The following ALOX15 variants were observed in gnomAD, a reference collection of about 807,000 sequenced individuals.
ALOX15 encodes polyunsaturated fatty acid lipoxygenase ALOX15.
ALOX15 carries 68 observed loss-of-function variants against 71.7 expected under a neutral mutation model. The ratio of observed to expected loss-of-function variants is 0.95; its 90% CI spans 0.78 to 1.16. The LOEUF is 1.16. ALOX15 is among the 50% of genes most tolerant of loss of function. The pLI is 0.00. For missense variants in ALOX15, 798 were observed against 818.8 expected (o/e 0.97, Z 0.31); for synonymous variants, 346 against 333.3 (o/e 1.04, Z -0.42).
Position 4,639,253 on chromosome 17 carries a change from C to T in ALOX15, c.338-121G>A, listed in dbSNP as rs11568100. Reference sequence around the variant, plus strand: ...CCTCTGCCCCTTCAGCATCACGCCCCTCCCCCAGGCTCCAGCCACTTTGTG... The same window carrying T: ...CCTCTGCCCCTTCAGCATCACGCCCTTCCCCCAGGCTCCAGCCACTTTGTG... On this transcript the variant is annotated intron_variant, in intron 2 of 13. Transcript: ENST00000293761. 9.4e-3 allele frequency: 13,147 copies of T among 1,403,936 alleles called. 592 individuals carry two copies. The East Asian group carries it at 0.12, about 13-fold the overall frequency. The allele number at this position is 1,403,936 out of a possible 1,614,324, so 87.0% of individuals were successfully genotyped here.
chr17:4,636,789 CCT>C (rs1230272778), intron 7 of ALOX15, among the ~76,000 whole-genome samples: 2 of 152,020 alleles, frequency 1.3e-5, no homozygotes, highest in Non-Finnish European at 2.9e-5. Flanking sequence ...CTGTCTTGCC[CCT>C]GAGGACCGGT....
chr17:4,635,922 G>A lies in ALOX15; in HGVS notation c.998C>T (p.Pro333Leu), dbSNP rs1279307753. Residue 333 changes from proline to leucine, a missense_variant, in exon 8 of 14, where the codon CCT becomes CTT. Transcript: ENST00000293761. ...AAGCCAGGCCATTGGGGGATCCGTA[G>A]GCAAGAAAAGGGGAGGTGGTGGGGA... ...TGSPPPPLFL[P>L]TDPPMAWLLA... The A allele has an allele frequency of 1.2e-6, 2 of 1,614,196 alleles. No homozygotes were observed. The highest frequency in any genetic ancestry group is 2.2e-5 in the South Asian group (2 of 91,092).
At chr17:4,639,275 T>C (rs1244039555) in intron 2 of ALOX15, 143 bp from the exon 3 acceptor site, 2 of 1,380,856 alleles carry the variant, frequency 1.4e-6, no homozygotes, top group African/African-American at 2.9e-5. Flanking sequence ...CCAGCCACTT[T>C]GTGCCAGCTG....
intron 8 of ALOX15, among the ~76,000 whole-genome samples, chr17:4,635,193 G>T (rs552775260): frequency 1.3e-5 from 2 of 151,954 alleles, no homozygotes; most frequent in Admixed American, 1.3e-4. Context: ...CACTTTGGGA[G>T]ACCTAGACAA....
rs1197364758 is a variant in ALOX15 at position 4,641,599 on chromosome 17, G to A, written c.53C>T (p.Ser18Phe). ...VSTGASLYAG[S>F]NNQVQLWLVG... is the part of the protein sequence containing the mutation. ...CAGCCACAGCTGCACCTGGTTGTTG[G>A]AACCGGCATAGAGCGAGGCCCCAGT... Residue 18 changes from serine (S) to phenylalanine (F), a missense_variant, in exon 1 of 14, where the codon TCC becomes TTC. This residue lies in a region of ALOX15 where 300 missense variants were observed against 283.1 expected (regional missense o/e 1.06). Coordinates refer to ENST00000293761, the MANE Select transcript of ALOX15 (RefSeq NM_001140.5). The A allele has an allele frequency of 6.2e-7, 1 of 1,613,920 alleles. No individual in the cohort carries two copies. Among genetic ancestry groups the A allele is most frequent in the East Asian group, 2.2e-5 (1 of 44,890 alleles).
chr17:4,639,627 G>A lies in ALOX15; in HGVS notation c.140C>T (p.Thr47Ile). The A allele has an allele frequency of 6.2e-7, 1 of 1,610,420 alleles. No individual in the cohort carries two copies. The highest frequency in any genetic ancestry group is 8.5e-7 in the Non-Finnish European group (1 of 1,178,400). ...CTCCGGTACTTCCACCTTGAGTTCT[G>A]TCTCCTGCGGGCGACAGAAGAGGCT... ...KRLWPARGKE[T>I]ELKVEVPEYL... The change falls in exon 2 of 14, where the codon ACA becomes ATA. Residue 47 changes from threonine to isoleucine, a missense_variant. Around this residue, in one of 3 missense-constraint regions of ALOX15, gnomAD observed 300 missense variants for 283.1 expected, o/e 1.06. Transcript: ENST00000293761.
chr17:4,636,015 C>T, intron 7 of ALOX15, 47 bp from the exon 8 acceptor site: 2 of 1,581,816 alleles, frequency 1.3e-6, no homozygotes, highest in South Asian at 1.1e-5. Context: ...GTGCCAGGCA[C>T]TCAGCGATTC....
At chr17:4,636,561 G>A (rs1174553899) in intron 7 of ALOX15, among the ~76,000 whole-genome samples, 4 of 151,966 alleles carry the variant, frequency 2.6e-5, no homozygotes, top group Non-Finnish European at 5.9e-5. Context: ...CCTCCTCCTG[G>A]GGTCAGTGCT....
Position 4,631,547 on chromosome 17 carries a change from G to T in ALOX15, c.*53C>A. On this transcript the variant is annotated 3_prime_UTR_variant, in exon 14 of 14. Coordinates refer to ENST00000293761, the MANE Select transcript of ALOX15 (RefSeq NM_001140.5). Reference sequence around the variant, plus strand: ...AGGGCAGGGCTATAACCACGAAGGGGTCAGCTTGTGGCTTGGGTGATGGGG... The same window carrying T: ...AGGGCAGGGCTATAACCACGAAGGGTTCAGCTTGTGGCTTGGGTGATGGGG... 1.9e-6 allele frequency: 3 copies of T among 1,600,146 alleles called. No homozygotes were observed. Among genetic ancestry groups the T allele is most frequent in the Non-Finnish European group, 2.6e-6 (3 of 1,174,500 alleles).
intron 7 of ALOX15, 72 bp from the exon 8 acceptor site, chr17:4,636,040 T>A: frequency 2.0e-6 from 3 of 1,493,570 alleles, no homozygotes; most frequent in South Asian, 2.3e-5. Context: ...CCCCCTTGCA[T>A]GTTAACCTCA....
chr17:4,641,276 A>G (rs1421300259), intron 1 of ALOX15, among the ~76,000 whole-genome samples: 2 of 152,006 alleles, frequency 1.3e-5, no homozygotes, highest in Non-Finnish European at 2.9e-5. Context: ...AGGGGCGCAC[A>G]GGAGCATGCC....
Position 4,638,565 on chromosome 17 carries a change from G to A in ALOX15, c.646+16C>T. The A allele has an allele frequency of 6.2e-7, 1 of 1,611,708 alleles. No individual in the cohort carries two copies. The highest frequency in any genetic ancestry group is 8.5e-7 in the Non-Finnish European group (1 of 1,178,070). The stretch of plus-strand genomic sequence containing the variant: ...GATCTGGGGGGTTGGGAGACATACT[G>A]GGGTGGGGGACTGACCAGCCAGCTT... On this transcript the variant is annotated intron_variant, in intron 5 of 13. Transcript: ENST00000293761.
chr17:4,631,965 G>A lies in ALOX15; in HGVS notation c.1733C>T (p.Ala578Val), dbSNP rs149366613. The A allele has an allele frequency of 4.0e-5, 65 of 1,613,968 alleles. No homozygotes were observed. Among genetic ancestry groups the A allele is most frequent in the African/African-American group, 1.6e-4 (12 of 74,924 alleles). Residue 578 changes from alanine (A) to valine (V), a missense_variant, in exon 13 of 14, where the codon GCG (alanine) becomes GTG (valine). Transcript: ENST00000293761. Reference protein sequence around the residue: ...TKDATLETVMATLPNFHQASL... With the variant: ...TKDATLETVMVTLPNFHQASL... ...AGCCTGGTGGAAGTTGGGCAGTGTCGCCATCACTGTCTCCAGCGTTGCATC... is the reference window on the plus strand; with the variant it reads ...AGCCTGGTGGAAGTTGGGCAGTGTCACCATCACTGTCTCCAGCGTTGCATC...
intron 11 of ALOX15, 42 bp from the exon 12 acceptor site, chr17:4,632,323 T>C (rs1910940417): frequency 5.8e-6 from 9 of 1,538,566 alleles, no homozygotes; most frequent in Non-Finnish European, 8.1e-6. Context: ...AAGGCAGGAG[T>C]AGGGCAGCGC....
At chr17:4,636,055 T>C in intron 7 of ALOX15, 87 bp from the exon 8 acceptor site, 3 of 1,401,020 alleles carry the variant, frequency 2.1e-6, no homozygotes, top group Non-Finnish European at 3.0e-6. Context: ...ACCTCACCCT[T>C]CGTCCTCCAA....
intron 1 of ALOX15, 124 bp downstream of exon 1, chr17:4,641,393 C>G: frequency 7.1e-7 from 1 of 1,417,514 alleles, no homozygotes; most frequent in South Asian, 1.4e-5. Flanking sequence ...CGCTTTGAGC[C>G]CAATGCGCGG....
chr17:4,631,459 CAGAGACCATGA>C lies in ALOX15; in HGVS notation c.*130_*140del. 8.1e-6 allele frequency: 8 copies of C among 989,242 alleles called. No individual in the cohort carries two copies. In the South Asian group the frequency reaches 1.3e-4, roughly 16 times the overall value. 61.3% of individuals were successfully genotyped at this position (989,242 alleles called of 1,614,324 possible). On this transcript the variant is annotated 3_prime_UTR_variant, in exon 14 of 14. Transcript: ENST00000293761. The stretch of plus-strand genomic sequence containing the variant: ...TAGAGTAAAATGTGTTCACTGGGTG[CAGAGACCATGA>C]AAAGGTGCCCCTCTAGGGAGGGTGG...
rs773171432 is a variant in ALOX15, at chr17:4,639,053, G to A, written c.417C>T (p.Tyr139=). Residue 139 remains tyrosine, a splice_region_variant and synonymous_variant, in exon 3 of 14, where the codon TAC becomes TAT. Coordinates refer to ENST00000293761, the MANE Select transcript of ALOX15 (RefSeq NM_001140.5). The part of the protein sequence containing the change: ...EEELEERRKL[Y]RWGNWKDGLI... ...GGGGTCAGGGGAGGAGGGCTCACCG[G>A]TACAACTTCCTTCTCTCTTCCAGCT... is the stretch of plus-strand genomic sequence containing the variant. The A allele has an allele frequency of 1.2e-5, 19 of 1,614,076 alleles. No homozygotes were observed. The East Asian group carries it at 3.8e-4, about 32-fold the overall frequency.
intron 8 of ALOX15, among the ~76,000 whole-genome samples, chr17:4,634,520 T>C (rs1911023992): frequency 6.6e-6 from 1 of 152,012 alleles, no homozygotes; most frequent in African/African-American, 2.4e-5. Context: ...TCTCAACTTT[T>C]TTTTTTTTAA....
Sources: allele counts gnomAD v4.1 joint callset (sites outside exome capture counted in the v4.1 genomes callset), GRCh38; gene constraint gnomAD v4.1.1; regional missense constraint gnomAD v4.1.1; transcripts MANE v1.5; gene names NCBI Gene and HGNC (gene_info 2026-07-23, HGNC 2026-07-21).